The following EPHA6 variants were observed in gnomAD, a reference collection of about 807,000 sequenced individuals.
EPHA6 encodes ephrin type-A receptor 6.
In EPHA6, 50 loss-of-function variants were observed where a neutral mutation model predicts 112.0. The observed-to-expected ratio is 0.45, with a 90% CI of 0.36 to 0.56. EPHA6 has a LOEUF of 0.56. EPHA6 is among the 20% of genes least tolerant of loss of function. The probability of loss-of-function intolerance (pLI) is 0.00; values close to 1 mark genes in which losing one functional copy is unlikely to be tolerated. For missense variants in EPHA6, 1,280 were observed against 1,417.4 expected, an observed-to-expected ratio of 0.90 and a Z score of 1.56; for synonymous variants, 529 against 490.7, an observed-to-expected ratio of 1.08 and a Z score of -1.03.
At chr3:97,511,593 G>A (rs113497228) in intron 10 of EPHA6, among the ~76,000 whole-genome samples, 2,808 of 152,198 alleles carry the variant, frequency 0.018, 106 homozygotes, top group African/African-American at 0.064. Flanking sequence ...TGTTGATCTC[G>A]CTGGGAGCTG....
intron 10 of EPHA6, among the ~76,000 whole-genome samples, chr3:97,492,140 A>G (rs1026924716): frequency 1.3e-5 from 2 of 149,194 alleles, no homozygotes; most frequent in African/African-American, 2.6e-5. Flanking sequence ...TTCATTTGCT[A>G]TTTTGTCTCT....
At chr3:97,176,568 G>A (rs891665728) in intron 3 of EPHA6, among the ~76,000 whole-genome samples, 6 of 151,594 alleles carry the variant, frequency 4.0e-5, no homozygotes, top group African/African-American at 1.5e-4. Context: ...TTTGATTTTT[G>A]TTACTTTTTA....
chr3:97,490,295 A>G (rs770731670), intron 10 of EPHA6, among the ~76,000 whole-genome samples: 1 of 152,184 alleles, frequency 6.6e-6, no homozygotes, highest in Non-Finnish European at 1.5e-5. Context: ...GGGAATTACA[A>G]TTGTTACATT....
intron 2 of EPHA6, among the ~76,000 whole-genome samples, chr3:96,968,213 G>T (rs943322222): frequency 6.6e-6 from 1 of 151,580 alleles, no homozygotes; most frequent in Non-Finnish European, 1.5e-5. Flanking sequence ...ACTGACTTTG[G>T]ATGTAAACTT....
At chr3:97,490,220 G>T (rs2091805384) in intron 10 of EPHA6, among the ~76,000 whole-genome samples, 1 of 151,966 alleles carries the variant, frequency 6.6e-6, no homozygotes, top group Admixed American at 6.6e-5. Context: ...AATGAAGTAT[G>T]ACAATATAAA....
intron 14 of EPHA6, among the ~76,000 whole-genome samples, chr3:97,641,169 C>T (rs1042785574): frequency 2.0e-5 from 3 of 152,104 alleles, no homozygotes; most frequent in Non-Finnish European, 4.4e-5. Flanking sequence ...AGAAGATATT[C>T]TATTATAACA....
Position 96,953,494 on chromosome 3 carries a change from A to C in EPHA6, c.451-33836A>C, listed in dbSNP as rs572037305. Among the ~76,000 whole-genome samples, 44 of 152,336 alleles carry C rather than the reference A, an allele frequency of 2.9e-4. No individual in the cohort carries two copies. In the South Asian group the frequency reaches 8.5e-3, roughly 29 times the overall value. On this transcript the variant is annotated intron_variant, in intron 2 of 17. Coordinates refer to ENST00000389672, the MANE Select transcript of EPHA6 (RefSeq NM_001080448.3). ...CAATAATACAAAACTCCATGAAGTA[A>C]AGTGTTAAAGTTTATGGCTCCTGCA...
chr3:97,180,342 A>G (rs1455049629), intron 3 of EPHA6, among the ~76,000 whole-genome samples: 1 of 152,126 alleles, frequency 6.6e-6, no homozygotes, highest in Admixed American at 6.5e-5. Flanking sequence ...AAGTCCTGGA[A>G]TATGGAGCCC....
At chr3:96,924,320 C>G (rs1013842782) in intron 2 of EPHA6, among the ~76,000 whole-genome samples, 6 of 152,084 alleles carry the variant, frequency 3.9e-5, no homozygotes, top group East Asian at 1.9e-4. Context: ...TCTCTGATTT[C>G]TTTGAGCAGT....
At chr3:96,914,952 C>A (rs984563210) in intron 2 of EPHA6, among the ~76,000 whole-genome samples, 2 of 151,234 alleles carry the variant, frequency 1.3e-5, no homozygotes, top group Non-Finnish European at 2.9e-5. Flanking sequence ...GATAAAAAAA[C>A]TTTTATGCAG....
chr3:96,926,397 GC>G (rs1226980345), intron 2 of EPHA6, among the ~76,000 whole-genome samples: 1 of 151,964 alleles, frequency 6.6e-6, no homozygotes, highest in Non-Finnish European at 1.5e-5. Flanking sequence ...CTGCCCCCCT[GC>G]CCCCCAACAA....
chr3:96,932,842 A>T (rs922355345), intron 2 of EPHA6, among the ~76,000 whole-genome samples: 1 of 152,234 alleles, frequency 6.6e-6, no homozygotes, highest in African/African-American at 2.4e-5. Context: ...TATGTATTTT[A>T]AAAATATTAA....
intron 3 of EPHA6, among the ~76,000 whole-genome samples, chr3:97,123,332 G>A (rs185195581): frequency 1.2e-4 from 19 of 152,038 alleles, no homozygotes; most frequent in Admixed American, 3.3e-4. Flanking sequence ...CTAGTTTCTC[G>A]CCTTTTTTGT....
chr3:97,661,121 CT>C (rs1309101427), intron 14 of EPHA6, among the ~76,000 whole-genome samples: 2 of 152,132 alleles, frequency 1.3e-5, no homozygotes, highest in Admixed American at 6.6e-5. Context: ...GAAATAACAT[CT>C]CTTTGTGTGG....
chr3:97,147,179 G>T (rs976489982), intron 3 of EPHA6, among the ~76,000 whole-genome samples: 2 of 151,958 alleles, frequency 1.3e-5, no homozygotes, highest in Non-Finnish European at 2.9e-5. Flanking sequence ...TACCTCTTCT[G>T]CCTGAGCAGA....
intron 3 of EPHA6, among the ~76,000 whole-genome samples, chr3:97,022,002 T>A (rs545049126): frequency 6.6e-6 from 1 of 152,320 alleles, no homozygotes; most frequent in African/African-American, 2.4e-5. Flanking sequence ...CCCTGTTCAC[T>A]CATCACTAAA....
intron 4 of EPHA6, among the ~76,000 whole-genome samples, chr3:97,239,666 T>C (rs1349989584): frequency 1.3e-5 from 2 of 151,712 alleles, no homozygotes; most frequent in Non-Finnish European, 2.9e-5. Flanking sequence ...TGTCTTCAGG[T>C]TGAGTAAGCT....
chr3:97,069,814 G>A (rs1201601372), intron 3 of EPHA6, among the ~76,000 whole-genome samples: 2 of 152,136 alleles, frequency 1.3e-5, no homozygotes, highest in African/African-American at 4.8e-5. Flanking sequence ...AATAGGCTAT[G>A]CTTTATGGTT....
intron 11 of EPHA6, among the ~76,000 whole-genome samples, chr3:97,543,901 T>C (rs1322730110): frequency 3.3e-5 from 5 of 152,084 alleles, no homozygotes; most frequent in Non-Finnish European, 7.4e-5. Context: ...CTGTCTGTTA[T>C]TGGTGTATAA....
Sources: allele counts gnomAD v4.1 joint callset (sites outside exome capture counted in the v4.1 genomes callset), GRCh38; gene constraint gnomAD v4.1.1; transcripts MANE v1.5; gene names NCBI Gene and HGNC (gene_info 2026-07-23, HGNC 2026-07-21).